The following MALRD1 variants were observed in gnomAD, a reference collection of about 807,000 sequenced individuals.
MALRD1 encodes the protein MAM and LDL-receptor class A domain-containing protein 1.
Under a neutral mutation model 242.1 loss-of-function variants are expected in MALRD1, and 247 were observed. The observed-to-expected ratio is 1.02, with a 90% CI of 0.92 to 1.13. The LOEUF is 1.13. MALRD1 is among the 50% of genes most tolerant of loss of function. MALRD1 has a pLI of 0.00. For synonymous variants in MALRD1, 995 were observed against 866.6 expected (o/e 1.15, Z -2.60); for missense variants, 2,989 against 2,533.1 (o/e 1.18, Z -3.86).
rs1199480127 is a variant in MALRD1, at chr10:19,094,173, G to T, written c.597+5988G>T. ...TACCTAAGCAAGCCTGGGCAATGGC[G>T]GGCGCCCCTCCCCCAGCCTCGTTGC... On this transcript the variant is annotated intron_variant, in intron 4 of 39. Transcript: ENST00000454679. Among the ~76,000 whole-genome samples the T allele has an allele frequency of 3.7e-5, 4 of 106,734 alleles. 1 individual carries two copies. The highest frequency in any genetic ancestry group is 7.7e-5 in the Non-Finnish European group (4 of 51,716). 70.0% of individuals were successfully genotyped at this position (106,734 alleles called of 152,430 possible).
intron 35 of MALRD1, among the ~76,000 whole-genome samples, chr10:19,613,056 C>A (rs1433017141): frequency 6.6e-6 from 1 of 151,910 alleles, no homozygotes; most frequent in African/African-American, 2.4e-5. Flanking sequence ...TCTCACTATC[C>A]TTCATGATTA....
intron 18 of MALRD1, among the ~76,000 whole-genome samples, chr10:19,212,691 A>ATT (rs11442936): frequency 1.3e-5 from 2 of 151,812 alleles, no homozygotes; most frequent in South Asian, 2.1e-4. Flanking sequence ...AGTTTACACT[A>ATT]TTTTTTTATT....
chr10:19,439,963 T>C (rs1834542998), intron 28 of MALRD1, among the ~76,000 whole-genome samples: 1 of 152,190 alleles, frequency 6.6e-6, no homozygotes, highest in African/African-American at 2.4e-5. Context: ...GTCTTAAAGA[T>C]CCATCTTGGC....
chr10:19,201,384 C>T (rs1310294979), intron 14 of MALRD1, among the ~76,000 whole-genome samples: 1 of 152,134 alleles, frequency 6.6e-6, no homozygotes, highest in African/African-American at 2.4e-5. Flanking sequence ...AAAGTCACTG[C>T]AATGATTTCT....
At chr10:19,126,281 TTA>T (rs1837280563) in intron 7 of MALRD1, among the ~76,000 whole-genome samples, 1 of 152,134 alleles carries the variant, frequency 6.6e-6, no homozygotes, top group South Asian at 2.1e-4. Context: ...CTTGCAGAAA[TTA>T]TGTTATTCTA....
chr10:19,330,157 A>AT (rs917477102), intron 23 of MALRD1, among the ~76,000 whole-genome samples: 35 of 151,654 alleles, frequency 2.3e-4, no homozygotes, highest in Admixed American at 6.6e-4. Flanking sequence ...TCTTACTAAT[A>AT]TTTTTTTTCT....
chr10:19,630,292 C>A (rs1839847877), intron 36 of MALRD1, among the ~76,000 whole-genome samples: 1 of 151,970 alleles, frequency 6.6e-6, no homozygotes, highest in Non-Finnish European at 1.5e-5. Context: ...GTATTGAATT[C>A]AAAAATACAT....
At chr10:19,110,583 A>G (rs1350032574) in intron 5 of MALRD1, among the ~76,000 whole-genome samples, 1 of 152,212 alleles carries the variant, frequency 6.6e-6, no homozygotes, top group African/African-American at 2.4e-5. Flanking sequence ...GCAATTTATC[A>G]ATAGAGAATA....
chr10:19,195,795 C>T (rs930046168), intron 14 of MALRD1, among the ~76,000 whole-genome samples: 1 of 152,074 alleles, frequency 6.6e-6, no homozygotes, highest in Non-Finnish European at 1.5e-5. Flanking sequence ...CACCTGTTCT[C>T]ACTTTACATT....
At chr10:19,572,423 A>G (rs1836606786) in intron 33 of MALRD1, among the ~76,000 whole-genome samples, 1 of 152,194 alleles carries the variant, frequency 6.6e-6, no homozygotes, top group African/African-American at 2.4e-5. Flanking sequence ...GCGAGGTTGT[A>G]AAATATTTGA....
At chr10:19,469,935 T>G (rs1287523832) in intron 29 of MALRD1, among the ~76,000 whole-genome samples, 1 of 152,024 alleles carries the variant, frequency 6.6e-6, no homozygotes, top group African/African-American at 2.4e-5. Flanking sequence ...TCCCATCCCC[T>G]TTATTGGACT....
At chr10:19,070,463 T>C (rs1835109691) in intron 2 of MALRD1, among the ~76,000 whole-genome samples, 1 of 152,130 alleles carries the variant, frequency 6.6e-6, no homozygotes, top group Non-Finnish European at 1.5e-5. Context: ...AGCAGAAAAA[T>C]CCTAAGTGGA....
chr10:19,335,863 G>A (rs762651850), intron 24 of MALRD1, among the ~76,000 whole-genome samples: 2 of 151,956 alleles, frequency 1.3e-5, no homozygotes, highest in African/African-American at 2.4e-5. Flanking sequence ...ATGCAGATTT[G>A]TTACATAGAT....
At chr10:19,693,047 A>G (rs1248519654) in intron 38 of MALRD1, among the ~76,000 whole-genome samples, 1 of 151,912 alleles carries the variant, frequency 6.6e-6, no homozygotes, top group African/African-American at 2.4e-5. Context: ...AAAACTCTCA[A>G]TAAATTAGGT....
chr10:19,482,103 C>T (rs928601562), intron 29 of MALRD1, among the ~76,000 whole-genome samples: 9 of 151,704 alleles, frequency 5.9e-5, no homozygotes, highest in South Asian at 2.1e-4. Flanking sequence ...TTATTATTCT[C>T]GTTTAGAAAT....
chr10:19,709,019 T>A (rs1833991834), intron 38 of MALRD1, among the ~76,000 whole-genome samples: 1 of 121,390 alleles, frequency 8.2e-6, no homozygotes, highest in Non-Finnish European at 1.9e-5. Context: ...ATAAGCCTTT[T>A]TTTTTTTTCA....
intron 34 of MALRD1, among the ~76,000 whole-genome samples, chr10:19,597,940 G>A (rs931899459): frequency 7.9e-5 from 12 of 152,156 alleles, no homozygotes; most frequent in East Asian, 1.9e-4. Context: ...AGAACAGGTC[G>A]TTAGAGTGAA....
At chr10:19,580,208 C>G (rs772609687) in intron 33 of MALRD1, among the ~76,000 whole-genome samples, 6 of 152,030 alleles carry the variant, frequency 3.9e-5, no homozygotes, top group Admixed American at 1.3e-4. Context: ...GGGGGTTATA[C>G]GAAGGCAGCA....
In MALRD1 at chr10:19,179,218, G is replaced by A. The variant is rs183543480; in HGVS notation, c.1951+3890G>A. 6.2e-4 allele frequency among the ~76,000 whole-genome samples: 94 copies of A among 152,266 alleles called. No homozygotes were observed. The East Asian group carries it at 8.5e-3, about 14-fold the overall frequency. The stretch of plus-strand genomic sequence containing the variant: ...GTAAAATTGTGGTAACCAGGTTCTG[G>A]GAGGAGAGGAAGTGGAAAATTACTA... On this transcript the variant is annotated intron_variant, in intron 14 of 39. Transcript: ENST00000454679.
Sources: allele counts gnomAD v4.1 joint callset (sites outside exome capture counted in the v4.1 genomes callset), GRCh38; gene constraint gnomAD v4.1.1; transcripts MANE v1.5; gene names NCBI Gene and HGNC (gene_info 2026-07-23, HGNC 2026-07-21).